SGMS2: variants seen among roughly 807,000 people sequenced by gnomAD.
SGMS2 encodes phosphatidylcholine:ceramide cholinephosphotransferase 2.
SGMS2 carries 21 observed loss-of-function variants against 43.8 expected under a neutral mutation model. The observed-to-expected ratio is 0.48, with a 90% CI of 0.34 to 0.69. The LOEUF is 0.69. SGMS2 is among the 30% of genes least tolerant of loss of function. The pLI is 0.01. For synonymous variants in SGMS2, 167 were observed against 160.6 expected, an observed-to-expected ratio of 1.04 and a Z score of -0.30; for missense variants, 384 against 443.2, an observed-to-expected ratio of 0.87 and a Z score of 1.20.
intron 1 of SGMS2, among the ~76,000 whole-genome samples, chr4:107,838,438 CTTCTTCT>C (rs1726318141): frequency 6.6e-6 from 1 of 151,602 alleles, no homozygotes; most frequent in African/African-American, 2.4e-5. Flanking sequence ...TCTTCTTCTT[CTTCTTCT>C]TTTTTTGAAG....
chr4:107,837,652 A>G (rs2125993540), intron 1 of SGMS2, among the ~76,000 whole-genome samples: 1 of 152,292 alleles, frequency 6.6e-6, no homozygotes, highest in East Asian at 1.9e-4. Context: ...TTACATCTGT[A>G]ATAGATCCCT....
chr4:107,872,981 G>A (rs148867503), intron 2 of SGMS2, among the ~76,000 whole-genome samples: 1 of 152,166 alleles, frequency 6.6e-6, no homozygotes, highest in Non-Finnish European at 1.5e-5. Context: ...AAAGATAAAA[G>A]CATTTCTAAA....
chr4:107,838,468 A>AT (rs138139405), intron 1 of SGMS2, among the ~76,000 whole-genome samples: 6,131 of 152,162 alleles, frequency 0.04, 415 homozygotes, highest in African/African-American at 0.14. Flanking sequence ...ACATATTAAA[A>AT]TATTTTGAAA....
chr4:107,908,907 A>G (rs1386130429), intron 6 of SGMS2, among the ~76,000 whole-genome samples, 176 bp downstream of exon 6: 1 of 152,192 alleles, frequency 6.6e-6, no homozygotes, highest in African/African-American at 2.4e-5. Flanking sequence ...TATAAATGCC[A>G]TTTATGGATA....
chr4:107,866,783 C>G (rs933547490), intron 2 of SGMS2: 18 of 152,058 alleles, frequency 1.2e-4, no homozygotes, highest in African/African-American at 4.3e-4. Context: ...AGGTCACTAA[C>G]ATATCTTTTA....
chr4:107,903,397 G>C lies in SGMS2; in HGVS notation c.727+11G>C. On this transcript the variant is annotated intron_variant, in intron 5 of 6. Transcript: ENST00000690982. ...TGTTCATCAAAGAATGTAAGTAATA[G>C]CCCATTCCCACTGAACTGATAGCTG... 1 of 1,613,410 alleles carries C rather than the reference G, an allele frequency of 6.2e-7. No homozygotes were observed. Among genetic ancestry groups the C allele is most frequent in the Admixed American group, 1.7e-5 (1 of 59,960 alleles).
chr4:107,868,605 CT>C (rs1728310880), intron 2 of SGMS2, among the ~76,000 whole-genome samples: 1 of 151,998 alleles, frequency 6.6e-6, no homozygotes, highest in Non-Finnish European at 1.5e-5. Context: ...GTAATCCTAG[CT>C]ACTCGGGAGG....
chr4:107,842,404 C>T (rs1289897391), intron 1 of SGMS2, among the ~76,000 whole-genome samples: 3 of 152,142 alleles, frequency 2.0e-5, no homozygotes, highest in Non-Finnish European at 4.4e-5. Context: ...CACTTTTAAA[C>T]AACCAGATCT....
intron 2 of SGMS2, among the ~76,000 whole-genome samples, chr4:107,889,918 C>G (rs1481650261): frequency 6.6e-6 from 1 of 152,152 alleles, no homozygotes; most frequent in Non-Finnish European, 1.5e-5. Context: ...GACTACCTAT[C>G]TTTTAACCAG....
At chr4:107,866,440 C>T (rs1039248145) in intron 2 of SGMS2, among the ~76,000 whole-genome samples, 1 of 151,962 alleles carries the variant, frequency 6.6e-6, no homozygotes, top group Non-Finnish European at 1.5e-5. Context: ...GTGGTGTGCA[C>T]CTGTAATCCT....
chr4:107,890,550 G>A (rs140531786), intron 2 of SGMS2, among the ~76,000 whole-genome samples: 34 of 151,592 alleles, frequency 2.2e-4, no homozygotes, highest in Non-Finnish European at 2.9e-4. Context: ...TGGTACGTGC[G>A]TGTAATCCCA....
Position 107,908,693 on chromosome 4 carries a change from C to T in SGMS2, c.856C>T (p.Arg286Ter), listed in dbSNP as rs143395172. The T allele has an allele frequency of 5.0e-6, 8 of 1,613,764 alleles. No homozygotes were observed. The African/African-American group carries it at 5.3e-5, about 11-fold the overall frequency. Reference protein sequence around the residue: ...DVIIAYYITTRLFWWYHSMAN... With the variant: ...DVIIAYYITT ...GATCATTGCTTATTATATCACAACA[C>T]GACTGTTTTGGTGGTACCATTCAAT... is the stretch of plus-strand genomic sequence containing the variant. The change falls in exon 6 of 7, where the codon CGA becomes TGA. Residue 286 changes from arginine (R) to a stop codon, truncating the protein, a stop_gained. Transcript: ENST00000690982. LOFTEE classifies it high-confidence loss of function.
intron 2 of SGMS2, among the ~76,000 whole-genome samples, chr4:107,860,348 A>G (rs893920004): frequency 6.6e-6 from 1 of 152,138 alleles, no homozygotes; most frequent in African/African-American, 2.4e-5. Flanking sequence ...TTGATGGACA[A>G]CATTTGGGTT....
chr4:107,827,601 A>G (rs1399109171), intron 1 of SGMS2, among the ~76,000 whole-genome samples: 2 of 152,202 alleles, frequency 1.3e-5, no homozygotes, highest in Non-Finnish European at 2.9e-5. Context: ...ATTACGGACA[A>G]GTGATAGCTC....
intron 2 of SGMS2, among the ~76,000 whole-genome samples, chr4:107,865,674 C>T (rs1002071621): frequency 6.6e-6 from 1 of 152,196 alleles, no homozygotes; most frequent in African/African-American, 2.4e-5. Context: ...GGGAATATGA[C>T]CTTTCAGCTA....
intron 2 of SGMS2, among the ~76,000 whole-genome samples, chr4:107,884,147 G>C (rs1729568981): frequency 1.3e-5 from 2 of 151,950 alleles, no homozygotes; most frequent in Admixed American, 6.5e-5. Context: ...ACTAAGCTGT[G>C]CTTTCATGAA....
intron 2 of SGMS2, among the ~76,000 whole-genome samples, chr4:107,891,099 C>CT (rs200577271): frequency 0.077 from 10,886 of 140,912 alleles, 517 homozygotes; most frequent in African/African-American, 0.16. Flanking sequence ...CCTTTTTTTT[C>CT]TTTTTTTTTC....
intron 1 of SGMS2, among the ~76,000 whole-genome samples, chr4:107,842,985 AT>A (rs1355401429): frequency 6.6e-6 from 1 of 152,176 alleles, no homozygotes; most frequent in Non-Finnish European, 1.5e-5. Context: ...TAGTCGCTAC[AT>A]TTCGTTTCTG....
chr4:107,881,018 G>A (rs1729296645), intron 2 of SGMS2, among the ~76,000 whole-genome samples: 1 of 152,074 alleles, frequency 6.6e-6, no homozygotes, highest in Non-Finnish European at 1.5e-5. Flanking sequence ...TAGCTTATTA[G>A]TAACATTAAT....
Sources: gnomAD v4.1 joint callset for allele counts (sites outside exome capture counted in the v4.1 genomes callset) on GRCh38, gnomAD v4.1.1 for gene constraint, MANE v1.5 for transcripts, NCBI Gene and HGNC (gene_info 2026-07-23, HGNC 2026-07-21) for gene names.